Variants in CRACD observed in about 807,000 individuals in gnomAD.
The protein encoded by CRACD is capping protein-inhibiting regulator of actin dynamics.
A neutral mutation model predicts 106.8 loss-of-function variants in CRACD; 56 were observed. That is an observed-to-expected ratio of 0.52 (90% CI 0.42 to 0.66). The LOEUF is 0.66. Ranked by LOEUF, CRACD falls within the 30% of genes least tolerant of loss-of-function variation. The pLI, the probability that CRACD is intolerant of heterozygous loss-of-function variation, is 0.00. For missense variants in CRACD, 1,730 were observed against 1,623.2 expected (o/e 1.07, Z -1.13); for synonymous variants, 754 against 670.8 (o/e 1.12, Z -1.92).
At chr4:56,214,809 G>A (rs929290725) in intron 2 of CRACD, among the ~76,000 whole-genome samples, 1 of 151,276 alleles carries the variant, frequency 6.6e-6, no homozygotes, top group African/African-American at 2.4e-5. Context: ...TCAGGAGTTC[G>A]AGACAAGTCT....
intron 1 of CRACD, among the ~76,000 whole-genome samples, chr4:56,169,175 T>C (rs1386635220): frequency 6.6e-6 from 1 of 152,070 alleles, no homozygotes; most frequent in Non-Finnish European, 1.5e-5. Context: ...TCAGGAAGAA[T>C]CTCTACTATA....
At chr4:56,168,840 T>C (rs1238832697) in intron 1 of CRACD, among the ~76,000 whole-genome samples, 9 of 152,192 alleles carry the variant, frequency 5.9e-5, no homozygotes, top group African/African-American at 2.2e-4. Flanking sequence ...AGAAAGATTT[T>C]CCCCCATCAT....
intron 1 of CRACD, among the ~76,000 whole-genome samples, chr4:56,072,343 G>A (rs1732689453): frequency 6.6e-6 from 1 of 152,106 alleles, no homozygotes. Context: ...AGTGAAAGAT[G>A]GTTTATGGCA....
At chr4:56,300,531 C>A (rs947334628) in intron 4 of CRACD, among the ~76,000 whole-genome samples, 1 of 152,094 alleles carries the variant, frequency 6.6e-6, no homozygotes, top group African/African-American at 2.4e-5. Context: ...AAAACCTTGA[C>A]CCCCCTCCTC....
chr4:56,320,156 A>AAT (rs1745982471), intron 8 of CRACD, among the ~76,000 whole-genome samples: 1 of 151,814 alleles, frequency 6.6e-6, no homozygotes, highest in Non-Finnish European at 1.5e-5. Context: ...AAAAAAAAAA[A>AAT]ACAAACCTTT....
chr4:56,073,376 G>A (rs986884552), intron 1 of CRACD, among the ~76,000 whole-genome samples: 14 of 151,110 alleles, frequency 9.3e-5, no homozygotes, highest in Middle Eastern at 3.4e-3. Flanking sequence ...AGTTTTTGTC[G>A]TGTGTTTGTT....
At chr4:56,241,960 A>G (rs989714279) in intron 2 of CRACD, among the ~76,000 whole-genome samples, 2 of 152,192 alleles carry the variant, frequency 1.3e-5, no homozygotes, top group African/African-American at 4.8e-5. Context: ...TTCCCTAAAA[A>G]TATCTCAGAA....
intron 6 of CRACD, 126 bp from the exon 7 acceptor site, chr4:56,313,070 TC>T: frequency 1.3e-6 from 1 of 778,084 alleles, no homozygotes; most frequent in African/African-American, 1.7e-5. Context: ...AGGAGTTCCC[TC>T]TGCTCACCTG....
intron 1 of CRACD, among the ~76,000 whole-genome samples, chr4:56,102,997 T>G (rs1733828312): frequency 6.6e-6 from 1 of 152,194 alleles, no homozygotes; most frequent in Non-Finnish European, 1.5e-5. Flanking sequence ...TGTACCATTA[T>G]TTATTAGGGT....
intron 1 of CRACD, among the ~76,000 whole-genome samples, chr4:56,107,922 T>TGGA (rs1371329603): frequency 2.0e-5 from 3 of 152,192 alleles, no homozygotes; most frequent in Non-Finnish European, 4.4e-5. Flanking sequence ...CATTTCCTCT[T>TGGA]TAACAAAAGG....
chr4:56,266,908 TGA>T (rs1325029406), intron 2 of CRACD, among the ~76,000 whole-genome samples: 1 of 152,204 alleles, frequency 6.6e-6, no homozygotes, highest in Non-Finnish European at 1.5e-5. Context: ...ATCTTATATT[TGA>T]GATTATCAAT....
chr4:56,152,382 C>T (rs1176935060), intron 1 of CRACD, among the ~76,000 whole-genome samples: 4 of 151,632 alleles, frequency 2.6e-5, no homozygotes, highest in Non-Finnish European at 5.9e-5. Context: ...TCCTGAAATC[C>T]TAGCACTTTG....
At chr4:56,249,862 T>C (rs1317228679) in intron 2 of CRACD, among the ~76,000 whole-genome samples, 2 of 152,238 alleles carry the variant, frequency 1.3e-5, no homozygotes, top group African/African-American at 2.4e-5. Context: ...TTACTGCCTT[T>C]GTATCTGATT....
intron 1 of CRACD, among the ~76,000 whole-genome samples, chr4:56,106,334 A>G (rs1733948626): frequency 6.6e-6 from 1 of 152,252 alleles, no homozygotes; most frequent in Admixed American, 6.5e-5. Context: ...CTGAAAGAGC[A>G]CAGTAAGAGG....
At chr4:56,108,612 A>G (rs1734021768) in intron 1 of CRACD, among the ~76,000 whole-genome samples, 1 of 152,010 alleles carries the variant, frequency 6.6e-6, no homozygotes, top group Non-Finnish European at 1.5e-5. Flanking sequence ...GTGGCCCCAA[A>G]TGGCTGGGCG....
chr4:56,308,639 G>C (rs1744918565), intron 5 of CRACD, among the ~76,000 whole-genome samples: 1 of 152,146 alleles, frequency 6.6e-6, no homozygotes, highest in Non-Finnish European at 1.5e-5. Flanking sequence ...GATTTGCAGA[G>C]GCAAGTGAGG....
Position 56,180,446 on chromosome 4 carries a change from A to G in CRACD, c.-189+1016A>G, listed in dbSNP as rs562048635. Among the ~76,000 whole-genome samples the G allele has an allele frequency of 5.2e-3, 796 of 151,908 alleles. 8 individuals are homozygous for G. The highest frequency in any genetic ancestry group is 0.018 in the African/African-American group (754 of 41,414). ...AGAGGTTGCAGTGAGCCGAGATCTC[A>G]CTGCTGCACTCCAGCCTGGGTGACA... On this transcript the variant is annotated intron_variant, in intron 2 of 10. Transcript: ENST00000682029.
chr4:56,268,087 AAC>A (rs1742134152), intron 2 of CRACD, among the ~76,000 whole-genome samples: 1 of 152,222 alleles, frequency 6.6e-6, no homozygotes, highest in South Asian at 2.1e-4. Flanking sequence ...CACCATTCAC[AAC>A]AGTGAGGTGA....
Position 56,316,083 on chromosome 4 carries a change from G to C in CRACD, c.2581G>C (p.Asp861His). ...RTNYSLRFNCDQQAEQKKKKR... is the reference protein window; with the variant it reads ...RTNYSLRFNCHQQAEQKKKKR... ...CAACTATTCCTTGCGCTTCAACTGC[G>C]ACCAACAGGCAGAACAGAAGAAGAA... is the stretch of plus-strand genomic sequence containing the variant. Residue 861 changes from aspartate to histidine, a missense_variant, in exon 8 of 11, where the codon GAC (aspartate) becomes CAC (histidine). This residue lies in a region of CRACD where 1,620 missense variants were observed against 1,481.6 expected (regional missense o/e 1.09). Coordinates refer to ENST00000682029, the MANE Select transcript of CRACD (RefSeq NM_001393381.1). 6.2e-7 allele frequency: 1 copy of C among 1,614,128 alleles called. No homozygotes were observed. Among genetic ancestry groups the C allele is most frequent in the East Asian group, 2.2e-5 (1 of 44,876 alleles).
Sources: allele counts gnomAD v4.1 joint callset (sites outside exome capture counted in the v4.1 genomes callset), GRCh38; gene constraint gnomAD v4.1.1; regional missense constraint gnomAD v4.1.1; transcripts MANE v1.5; gene names NCBI Gene and HGNC (gene_info 2026-07-23, HGNC 2026-07-21).